TTN: variants seen among roughly 807,000 people sequenced by gnomAD.
TTN encodes the protein connectin.
Under a neutral mutation model 3,223.0 loss-of-function variants are expected in TTN, and 1,525 were observed. The ratio of observed to expected loss-of-function variants is 0.47; its 90% CI spans 0.45 to 0.49. The LOEUF is 0.49. TTN is among the 20% of genes least tolerant of loss of function. The probability of loss-of-function intolerance (pLI) is 0.00; values close to 1 mark genes in which losing one functional copy is unlikely to be tolerated. For synonymous variants in TTN, 14,094 were observed against 15,161.0 expected (o/e 0.93, Z 5.17); for missense variants, 40,786 against 43,424.0 (o/e 0.94, Z 5.40).
chr2:178,559,340 G>C lies in TTN; in HGVS notation c.86792C>G (p.Ala28931Gly), dbSNP rs774479678. Residue 28931 changes from alanine to glycine, a missense_variant, in exon 326 of 363, where the codon GCT becomes GGT. Coordinates refer to ENST00000589042, the MANE Select transcript of TTN (RefSeq NM_001267550.2). ...GENEFGVGIP[A>G]ETKEGVKITE... ...TATTTTTACTCCTTCCTTTGTTTCAGCTGGTATACCAACACCAAACTCATT... is the reference window on the plus strand; with the variant it reads ...TATTTTTACTCCTTCCTTTGTTTCACCTGGTATACCAACACCAAACTCATT... 2 of 1,600,130 alleles carry C rather than the reference G, an allele frequency of 1.2e-6. No homozygotes were observed. The highest frequency in any genetic ancestry group is 2.7e-5 in the African/African-American group (2 of 74,172).
rs543673637 is a variant in TTN, at chr2:178,670,553, T to C, written c.35309-258A>G. Among the ~76,000 whole-genome samples, 3 of 152,106 alleles carry C rather than the reference T, an allele frequency of 2.0e-5. No individual in the cohort carries two copies. In the East Asian group the frequency reaches 5.8e-4, roughly 29 times the overall value. ...ACAGTACACCTTCAGCTGGTGCTAT[T>C]ACTGTTTGTTTTTGTGGAAGAGTTG... On this transcript the variant is annotated intron_variant, in intron 156 of 362. Transcript: ENST00000589042.
At position 178,650,179 on chromosome 2, in the gene TTN, C is replaced by A. The variant is rs759268958; in HGVS notation, c.39802G>T (p.Val13268Phe). The stretch of plus-strand genomic sequence containing the variant: ...TGCTTTGTACCTGCTGGAGGTGGAA[C>A]CTCTGGTTCCTCCTCTTCTGCAACA... ...VPVAEEEEPE[V>F]PPPAVPEEPK... Residue 13268 changes from valine (V) to phenylalanine (F), a missense_variant, in exon 210 of 363, where the codon GTT becomes TTT. By Grantham distance (50) the Val-to-Phe change is conservative. Transcript: ENST00000589042. 4.5e-5 allele frequency: 72 copies of A among 1,584,416 alleles called. No individual in the cohort carries two copies. Among genetic ancestry groups the A allele is most frequent in the Non-Finnish European group, 5.8e-5 (67 of 1,163,890 alleles).
intron 34 of TTN, among the ~76,000 whole-genome samples, 155 bp downstream of exon 34, chr2:178,771,055 CT>C (rs2091408053): frequency 6.6e-6 from 1 of 151,882 alleles, no homozygotes; most frequent in African/African-American, 2.4e-5. Flanking sequence ...AATTTTGTAC[CT>C]TGTGGAATGT....
chr2:178,595,475 G>A (rs915629612), intron 295 of TTN, 32 bp downstream of exon 295: 47 of 1,529,082 alleles, frequency 3.1e-5, no homozygotes, highest in Non-Finnish European at 4.0e-5. Context: ...GTAAAGAAGT[G>A]ATTAAGTATA....
rs752999797 is a variant in TTN at position 178,590,970 on chromosome 2, A to T, written c.60755T>A (p.Ile20252Lys). ...GGAGTCAAGGGGAGGACCAACACCTATCTTATTCTCTGCTCTAACTCGGAA... is the reference window on the plus strand; with the variant it reads ...GGAGTCAAGGGGAGGACCAACACCTTTCTTATTCTCTGCTCTAACTCGGAA... ...YVFRVRAENK[I>K]GVGPPLDSTP... Residue 20252 changes from isoleucine (I) to lysine (K), a missense_variant, in exon 304 of 363, where the codon ATA becomes AAA. Coordinates refer to ENST00000589042, the MANE Select transcript of TTN (RefSeq NM_001267550.2). 2 of 1,613,354 alleles carry T rather than the reference A, an allele frequency of 1.2e-6. No homozygotes were observed.
Position 178,610,059 on chromosome 2 carries a change from T to C in TTN, c.51436+31A>G, listed in dbSNP as rs770971424. 7 of 1,612,220 alleles carry C rather than the reference T, an allele frequency of 4.3e-6. No homozygotes were observed. In the South Asian group the frequency reaches 7.7e-5, roughly 18 times the overall value. On this transcript the variant is annotated intron_variant, in intron 271 of 362. Coordinates refer to ENST00000589042, the MANE Select transcript of TTN (RefSeq NM_001267550.2). ...AAACAAAACTATGGTTTATTAGTTCTTAGCCATAGTGCATCCATGTCCAAA... is the reference window on the plus strand; with the variant it reads ...AAACAAAACTATGGTTTATTAGTTCCTAGCCATAGTGCATCCATGTCCAAA...
rs775974075 is a variant in TTN at position 178,536,312 on chromosome 2, T to G, written c.100435A>C (p.Ser33479Arg). 1 of 1,613,702 alleles carries G rather than the reference T, an allele frequency of 6.2e-7. No individual in the cohort carries two copies. Among genetic ancestry groups the G allele is most frequent in the Non-Finnish European group, 8.5e-7 (1 of 1,179,752 alleles). ...CENLGGESEWSEISEPITPKS... is the reference protein window; with the variant it reads ...CENLGGESEWREISEPITPKS... Reference sequence around the variant, plus strand: ...GGAGTGATGGGTTCTGATATTTCACTCCATTCACTTTCCCCACCTAGATTT... The same window carrying G: ...GGAGTGATGGGTTCTGATATTTCACGCCATTCACTTTCCCCACCTAGATTT... The change falls in exon 357 of 363, where the codon AGT becomes CGT. Residue 33479 changes from serine (S) to arginine (R), a missense_variant. Coordinates refer to ENST00000589042, the MANE Select transcript of TTN (RefSeq NM_001267550.2).
chr2:178,594,163 G>A lies in TTN; in HGVS notation c.58230C>T (p.Tyr19410=). The change falls in exon 297 of 363, where the codon TAC becomes TAT. Residue 19410 remains tyrosine, a synonymous_variant. Coordinates refer to ENST00000589042, the MANE Select transcript of TTN (RefSeq NM_001267550.2). ...AAACCTTAGGCTTTGGTTTGCCTGA[G>A]TAACGGCCAGTGAGGGCAAAAGCTT... ...VGEAFALTGR[Y]SGKPKPKVSW... 1.2e-6 allele frequency: 2 copies of A among 1,613,348 alleles called. No individual in the cohort carries two copies. The highest frequency in any genetic ancestry group is 1.7e-6 in the Non-Finnish European group (2 of 1,179,596).
Position 178,567,319 on chromosome 2 carries a change from A to G in TTN, c.78813T>C (p.Val26271=). 6.2e-7 allele frequency: 1 copy of G among 1,606,066 alleles called. No homozygotes were observed. Among genetic ancestry groups the G allele is most frequent in the Non-Finnish European group, 8.5e-7 (1 of 1,177,108 alleles). Residue 26271 remains valine, a synonymous_variant, in exon 326 of 363, where the codon GTT becomes GTC. Coordinates refer to ENST00000589042, the MANE Select transcript of TTN (RefSeq NM_001267550.2). ...GGQYILRASN[V]AGSKSFPVNV... is the part of the protein sequence containing the mutation. ...TTACTGGGAATGACTTAGAACCTGC[A>G]ACATTGGAAGCTCTTAAAATATACT...
Position 178,640,961 on chromosome 2 carries a change from C to T in TTN, c.40633+280G>A, listed in dbSNP as rs149590780. On this transcript the variant is annotated intron_variant, in intron 220 of 362. Transcript: ENST00000589042. ...ATTATGAAACCTTTGCTGACACCCT[C>T]CCATGAATAGCCACTTGATTATTTC... Among the ~76,000 whole-genome samples the T allele has an allele frequency of 2.6e-3, 396 of 152,040 alleles. 2 individuals carry two copies. Among genetic ancestry groups the T allele is most frequent in the African/African-American group, 8.2e-3 (339 of 41,532 alleles).
At position 178,563,101 on chromosome 2, in the gene TTN, G is replaced by A. The variant is rs1369488047; in HGVS notation, c.83031C>T (p.Leu27677=). The change falls in exon 326 of 363, where the codon CTC becomes CTT. Residue 27677 remains leucine (L), a synonymous_variant. Transcript: ENST00000589042. This position sits in a 1 kb window ranked among gnomAD's most constrained non-coding sequence, Gnocchi z 4.5. ...QERIEPPEIE[L]DADLRKVVVL... is the part of the protein sequence containing the mutation. Reference sequence around the variant, plus strand: ...CGACCACCTTTCTGAGATCAGCATCGAGTTCTATTTCTGGTGGCTCTATCC... The same window carrying A: ...CGACCACCTTTCTGAGATCAGCATCAAGTTCTATTTCTGGTGGCTCTATCC... The A allele has an allele frequency of 8.7e-6, 14 of 1,613,680 alleles. No individual in the cohort carries two copies. Among genetic ancestry groups the A allele is most frequent in the Middle Eastern group, 1.7e-4 (1 of 6,058 alleles).
Position 178,593,994 on chromosome 2 carries a change from A to G in TTN, c.58399T>C (p.Ser19467Pro), listed in dbSNP as rs920055688. The change falls in exon 297 of 363, where the codon TCT becomes CCT. Residue 19467 changes from serine to proline, a missense_variant. Transcript: ENST00000589042. ...YCVVVENSTG[S>P]RKGFCQVNVV... ...TTAACTTGACAGAAACCTTTCCTAG[A>G]GCCTGTACTGTTCTCCACAACCACA... is the stretch of plus-strand genomic sequence containing the variant. The G allele has an allele frequency of 1.2e-6, 2 of 1,613,584 alleles. No homozygotes were observed. Among genetic ancestry groups the G allele is most frequent in the African/African-American group, 1.3e-5 (1 of 75,036 alleles).
In TTN at chr2:178,554,902, C is replaced by G; in HGVS notation, c.88557G>C (p.Met29519Ile). The G allele has an allele frequency of 6.2e-7, 1 of 1,613,872 alleles. No homozygotes were observed. Among genetic ancestry groups the G allele is most frequent in the Non-Finnish European group, 8.5e-7 (1 of 1,179,840 alleles). The change falls in exon 331 of 363, where the codon ATG becomes ATC. Residue 29519 changes from methionine to isoleucine, a missense_variant. By Grantham distance (10) the Met-to-Ile change is conservative. Coordinates refer to ENST00000589042, the MANE Select transcript of TTN (RefSeq NM_001267550.2). The stretch of plus-strand genomic sequence containing the variant: ...CTCTGATGGTGGCTGAGGCTGAGCC[C>G]ATGGCATTCCTTAGTTTTAATTCAT... ...GCYELKLRNA[M>I]GSASATIRVQ...
chr2:178,567,231 A>C lies in TTN; in HGVS notation c.78901T>G (p.Ser26301Ala). The C allele has an allele frequency of 6.2e-7, 1 of 1,608,376 alleles. No individual in the cohort carries two copies. Among genetic ancestry groups the C allele is most frequent in the Non-Finnish European group, 8.5e-7 (1 of 1,176,800 alleles). ...EGPVQVTGVTSEKCSLTWSPP... is the reference protein window; with the variant it reads ...EGPVQVTGVTAEKCSLTWSPP... ...GACCATGTTAAAGAGCATTTTTCAG[A>C]AGTGACTCCAGTAACCTGGACTGGC... Residue 26301 changes from serine (S) to alanine (A), a missense_variant, in exon 326 of 363, where the codon TCT (serine) becomes GCT (alanine). Transcript: ENST00000589042.
intron 209 of TTN, 55 bp from the exon 210 acceptor site, chr2:178,650,326 G>A: frequency 7.1e-7 from 1 of 1,404,536 alleles, no homozygotes; most frequent in Non-Finnish European, 9.7e-7. Context: ...TTCTAAGATG[G>A]ACAAACACTA....
rs1559521007 is a variant in TTN at position 178,583,676 on chromosome 2, CA to C, written c.65505del (p.Ile21835MetfsTer6). 1 of 1,612,292 alleles carries C rather than the reference CA, an allele frequency of 6.2e-7. No individual in the cohort carries two copies. Among genetic ancestry groups the C allele is most frequent in the Non-Finnish European group, 8.5e-7 (1 of 1,179,148 alleles). On this transcript the variant is annotated frameshift_variant, in exon 312 of 363. Coordinates refer to ENST00000589042, the MANE Select transcript of TTN (RefSeq NM_001267550.2). LOFTEE classifies it high-confidence loss of function. ...EEKAQYQFRA[I>X]ARTAVNISPP... is the part of the protein sequence containing the mutation. The stretch of plus-strand genomic sequence containing the variant: ...GGGCTAATGTTTACCGCGGTCCTGG[CA>C]ATAGCTCTAAATTGATACTGAGCTT...
intron 244 of TTN, 49 bp from the exon 245 acceptor site, chr2:178,621,790 A>T: frequency 3.7e-6 from 6 of 1,608,580 alleles, no homozygotes; most frequent in Non-Finnish European, 4.2e-6. Context: ...GCTGGAAATT[A>T]TTATTTTTTC....
Position 178,706,848 on chromosome 2 carries a change from T to G in TTN, c.29134+14A>C. On this transcript the variant is annotated intron_variant, in intron 101 of 362. Transcript: ENST00000589042. ...AAGATAGATGAAGATGTACTTCTCA[T>G]GAAGTGCACTTACTTTCTACGACTC... The G allele has an allele frequency of 6.2e-7, 1 of 1,609,376 alleles. No individual in the cohort carries two copies. The highest frequency in any genetic ancestry group is 8.5e-7 in the Non-Finnish European group (1 of 1,176,572).
chr2:178,554,164 C>T lies in TTN; in HGVS notation c.88947G>A (p.Ser29649=), dbSNP rs912193120. ...IPEVTKITKN[S]MTVVWSRPIA... ...TTGGCCTGCTCCATACAACAGTCATCGAATTCTTGGTAATCTTTGTCACTT... is the reference window on the plus strand; with the variant it reads ...TTGGCCTGCTCCATACAACAGTCATTGAATTCTTGGTAATCTTTGTCACTT... The change falls in exon 333 of 363, where the codon TCG becomes TCA. Residue 29649 remains serine (S), a synonymous_variant. Transcript: ENST00000589042. 8.1e-6 allele frequency: 13 copies of T among 1,610,334 alleles called. No individual in the cohort carries two copies. Among genetic ancestry groups the T allele is most frequent in the Middle Eastern group, 1.7e-4 (1 of 6,030 alleles).
Sources: allele counts gnomAD v4.1 joint callset (sites outside exome capture counted in the v4.1 genomes callset), GRCh38; gene constraint gnomAD v4.1.1; non-coding constraint Gnocchi (gnomAD v3.1); transcripts MANE v1.5; gene names NCBI Gene and HGNC (gene_info 2026-07-23, HGNC 2026-07-21).